The following CCDC201 variants were observed in gnomAD, a reference collection of about 807,000 sequenced individuals.
CCDC201 encodes coiled-coil domain containing 201.
At chr7:45,879,294 G>T in the CCDC201 span, among the ~76,000 whole-genome samples, 2 of 152,054 alleles carry the variant, frequency 1.3e-5, no homozygotes, top group African/African-American at 4.8e-5. Flanking sequence ...TCCAATCTCT[G>T]CCCCTTACCC....
intron 2 of CCDC201, among the ~76,000 whole-genome samples, chr7:45,863,565 C>G (rs1786628705): frequency 6.6e-6 from 1 of 152,272 alleles, no homozygotes. Flanking sequence ...CTAGAACCCC[C>G]TCTTCTAGGA....
At chr7:45,882,278 G>C in the CCDC201 span, among the ~76,000 whole-genome samples, 1 of 152,172 alleles carries the variant, frequency 6.6e-6, no homozygotes, top group Non-Finnish European at 1.5e-5. Context: ...CCACCCCAGA[G>C]GTCCCAGCCT....
the CCDC201 span, among the ~76,000 whole-genome samples, chr7:45,882,256 C>T: frequency 1.3e-5 from 2 of 152,124 alleles, no homozygotes; most frequent in African/African-American, 4.8e-5. Flanking sequence ...TGGAAGCACC[C>T]GTGTGACTGC....
chr7:45,878,083 C>G, the CCDC201 span, among the ~76,000 whole-genome samples: 1 of 152,206 alleles, frequency 6.6e-6, no homozygotes, highest in South Asian at 2.1e-4. Flanking sequence ...CTTAAAGCTC[C>G]AAAACAATCT....
At chr7:45,882,477 C>T in the CCDC201 span, among the ~76,000 whole-genome samples, 2 of 152,322 alleles carry the variant, frequency 1.3e-5, no homozygotes, top group East Asian at 3.9e-4. Flanking sequence ...TGCTCCAGAG[C>T]TGTTCTGCTG....
upstream of CCDC201, among the ~76,000 whole-genome samples, chr7:45,876,211 C>G (rs1482957206): frequency 6.6e-6 from 1 of 152,144 alleles, no homozygotes; most frequent in African/African-American, 2.4e-5. Context: ...ACCACAATGA[C>G]TTTCCCAGAG....
chr7:45,867,923 T>C (rs1362572186), intron 1 of CCDC201, among the ~76,000 whole-genome samples: 1 of 152,274 alleles, frequency 6.6e-6, no homozygotes, highest in Non-Finnish European at 1.5e-5. Context: ...AAGAGATAGA[T>C]GAGCACTTGC....
intron 2 of CCDC201, among the ~76,000 whole-genome samples, chr7:45,864,181 G>C (rs568627100): frequency 1.3e-5 from 2 of 152,272 alleles, no homozygotes; most frequent in South Asian, 2.1e-4. Flanking sequence ...TGCCTGTCTG[G>C]ACTCCCAGAA....
the CCDC201 span, among the ~76,000 whole-genome samples, chr7:45,883,311 G>A: frequency 0.082 from 12,515 of 152,144 alleles, 933 homozygotes; most frequent in African/African-American, 0.2. Flanking sequence ...ACAGAAGTAC[G>A]TAGATAGGCA....
chr7:45,867,403 G>A (rs1396108076), intron 1 of CCDC201, among the ~76,000 whole-genome samples: 1 of 152,154 alleles, frequency 6.6e-6, no homozygotes, highest in Non-Finnish European at 1.5e-5. Context: ...GAGTAACAGT[G>A]CCCAGTTACA....
chr7:45,882,805 T>G, the CCDC201 span, among the ~76,000 whole-genome samples: 2 of 152,210 alleles, frequency 1.3e-5, no homozygotes, highest in African/African-American at 4.8e-5. Context: ...TTTAATACCC[T>G]TTTTTGCTCA....
intron 2 of CCDC201, among the ~76,000 whole-genome samples, chr7:45,863,734 T>C (rs1786630899): frequency 6.6e-6 from 1 of 151,044 alleles, no homozygotes; most frequent in African/African-American, 2.4e-5. Flanking sequence ...TCACGTGGAG[T>C]GTAGCTGGGG....
the CCDC201 span, among the ~76,000 whole-genome samples, chr7:45,880,289 G>T: frequency 5.9e-5 from 9 of 152,226 alleles, no homozygotes; most frequent in Non-Finnish European, 1.3e-4. Context: ...GGAAAGGAAA[G>T]ATTAAAATGA....
At chr7:45,867,439 T>C (rs1786690600) in intron 1 of CCDC201, among the ~76,000 whole-genome samples, 1 of 152,204 alleles carries the variant, frequency 6.6e-6, no homozygotes. Context: ...AATGACATCC[T>C]AAATCAATTA....
intron 2 of CCDC201, among the ~76,000 whole-genome samples, chr7:45,863,655 C>G (rs986766908): frequency 6.6e-6 from 1 of 152,154 alleles, no homozygotes; most frequent in Non-Finnish European, 1.5e-5. Flanking sequence ...GGGTAAACTC[C>G]TGACACTAAA....
At chr7:45,865,544 A>C (rs1052331189) in intron 2 of CCDC201, among the ~76,000 whole-genome samples, 22 of 152,258 alleles carry the variant, frequency 1.4e-4, no homozygotes, top group African/African-American at 4.8e-4. Context: ...ACAGCCAGGC[A>C]GATTTTTACT....
the CCDC201 span, among the ~76,000 whole-genome samples, chr7:45,879,357 C>T: frequency 9.8e-5 from 15 of 152,320 alleles, no homozygotes; most frequent in South Asian, 2.9e-3. Flanking sequence ...ATGCCTCACT[C>T]CTGGCACCAA....
At chr7:45,864,516 G>A (rs1264117972) in intron 2 of CCDC201, among the ~76,000 whole-genome samples, 4 of 152,194 alleles carry the variant, frequency 2.6e-5, no homozygotes, top group African/African-American at 9.6e-5. Flanking sequence ...GACCCTTGGT[G>A]GACAGTTCCC....
At chr7:45,878,469 C>T in the CCDC201 span, among the ~76,000 whole-genome samples, 23,914 of 152,258 alleles carry the variant, frequency 0.16, 2,193 homozygotes, top group East Asian at 0.27. Context: ...TAGGCAGAGG[C>T]TCCTAAGCCT....
Sources: gnomAD v4.1 joint callset for allele counts (sites outside exome capture counted in the v4.1 genomes callset) on GRCh38, gnomAD v4.1.1 for gene constraint, MANE v1.5 for transcripts, NCBI Gene and HGNC (gene_info 2026-07-23, HGNC 2026-07-21) for gene names.